The following BMX variants were observed in gnomAD, a reference collection of about 807,000 sequenced individuals.
BMX encodes BMX non-receptor tyrosine kinase.
Under a neutral mutation model 59.2 loss-of-function variants are expected in BMX, and 31 were observed. The ratio of observed to expected loss-of-function variants is 0.52; its 90% CI spans 0.39 to 0.71. The LOEUF (loss-of-function observed/expected upper bound fraction) is 0.71. Ranked by LOEUF, BMX falls within the 30% of genes least tolerant of loss-of-function variation. The probability of loss-of-function intolerance (pLI) is 0.00; values close to 1 mark genes in which losing one functional copy is unlikely to be tolerated. For missense variants in BMX, 474 were observed against 491.7 expected (o/e 0.96, Z 0.34); for synonymous variants, 185 against 181.0 (o/e 1.02, Z -0.18).
intron 4 of BMX, 147 bp from the exon 5 acceptor site, chrX:15,515,965 C>CT (rs1475291075): frequency 2.7e-6 from 2 of 728,948 alleles, no homozygotes; most frequent in African/African-American, 4.2e-5. Context: ...GAGTGAAAGA[C>CT]CTATATCCTT....
intron 6 of BMX, among the ~76,000 whole-genome samples, chrX:15,521,317 T>C (rs1181758704): frequency 8.9e-6 from 1 of 112,477 alleles, no homozygotes; most frequent in Non-Finnish European, 1.9e-5. Flanking sequence ...TGTAGTCATT[T>C]ATTGTGTGTC....
At chrX:15,523,506 A>T (rs1278147483) in intron 7 of BMX, among the ~76,000 whole-genome samples, 3 of 111,634 alleles carry the variant, frequency 2.7e-5, no homozygotes, top group African/African-American at 9.8e-5. Flanking sequence ...GTTCTTCTTG[A>T]TTTTTTTTCA....
At chrX:15,542,222 A>C in intron 15 of BMX, 24 bp downstream of exon 15, 1 of 1,194,867 alleles carries the variant, frequency 8.4e-7, no homozygotes, top group Non-Finnish European at 1.1e-6. Flanking sequence ...TTGGAATTTC[A>C]AAGAAAAGAA....
intron 9 of BMX, among the ~76,000 whole-genome samples, chrX:15,528,006 G>A (rs755726023): frequency 1.8e-5 from 2 of 112,674 alleles, no homozygotes; most frequent in South Asian, 3.7e-4. Flanking sequence ...GTACTCTTTA[G>A]CATTTAAATA....
chrX:15,549,214 G>A (rs1926081464), intron 17 of BMX, among the ~76,000 whole-genome samples: 1 of 111,225 alleles, frequency 9.0e-6, no homozygotes. Context: ...TGAACATCCT[G>A]AAACTGAACA....
intron 6 of BMX, among the ~76,000 whole-genome samples, chrX:15,518,688 G>T (rs774941082): frequency 8.1e-5 from 9 of 111,040 alleles, no homozygotes; most frequent in African/African-American, 2.6e-4. Flanking sequence ...AGGGATTTTG[G>T]GGGGGCTGAG....
intron 4 of BMX, 71 bp downstream of exon 4, chrX:15,511,589 C>A: frequency 1.2e-6 from 1 of 865,369 alleles, no homozygotes; most frequent in Non-Finnish European, 1.6e-6. Context: ...TTTTTTGAGG[C>A]TTGGTGGAGG....
At chrX:15,527,306 A>G (rs1924838844) in intron 9 of BMX, among the ~76,000 whole-genome samples, 1 of 96,771 alleles carries the variant, frequency 1.0e-5, no homozygotes, top group Non-Finnish European at 2.0e-5. Context: ...ACACACATAT[A>G]TATATACCTG....
chrX:15,532,309 G>C lies in BMX; in HGVS notation c.1019+902G>C, dbSNP rs181764292. Among the ~76,000 whole-genome samples the C allele has an allele frequency of 2.3e-3, 254 of 110,733 alleles. 1 individual carries two copies. Among genetic ancestry groups the C allele is most frequent in the African/African-American group, 7.8e-3 (235 of 30,224 alleles). On this transcript the variant is annotated intron_variant, in intron 11 of 18. Transcript: ENST00000348343. ...AGTTTTACAAGCCACTTTCTTATTG[G>C]TAGTTAGCTCTTTTTTTTTCCTTCT...
chrX:15,541,886 G>T (rs1469456402), intron 14 of BMX, 96 bp from the exon 15 acceptor site: 22 of 774,240 alleles, frequency 2.8e-5, no homozygotes, highest in Non-Finnish European at 4.3e-5. Flanking sequence ...GTGGGGGTGG[G>T]AATTAAAACA....
At chrX:15,521,442 C>G (rs1924449343) in intron 6 of BMX, among the ~76,000 whole-genome samples, 1 of 111,976 alleles carries the variant, frequency 8.9e-6, no homozygotes, top group Non-Finnish European at 1.9e-5. Context: ...TTTCTTATTA[C>G]TGTTCTAACA....
intron 18 of BMX, among the ~76,000 whole-genome samples, chrX:15,554,298 C>A (rs1469083056): frequency 8.9e-6 from 1 of 112,074 alleles, no homozygotes; most frequent in African/African-American, 3.2e-5. Flanking sequence ...AGAATTCTTG[C>A]CAATCTGATA....
Position 15,508,476 on chromosome X carries a change from T to C in BMX, c.123T>C (p.Tyr41=), listed in dbSNP as rs1338186768. Residue 41 remains tyrosine, a synonymous_variant, in exon 2 of 19, where the codon TAT becomes TAC. Transcript: ENST00000348343. ...FVLTKTNLSY[Y]EYDKMKRGSR... ...TGACCAAAACAAACCTTTCCTACTA[T>C]GAATATGACAAAATGGTGAGACATC... The C allele has an allele frequency of 8.5e-7, 1 of 1,179,959 alleles. No homozygotes were observed. Among genetic ancestry groups the C allele is most frequent in the Non-Finnish European group, 1.1e-6 (1 of 882,230 alleles).
At chrX:15,540,650 A>G (rs1030179234) in intron 14 of BMX, among the ~76,000 whole-genome samples, 1 of 111,598 alleles carries the variant, frequency 9.0e-6, no homozygotes, top group Non-Finnish European at 1.9e-5. Flanking sequence ...ACTAAAAGAC[A>G]AATGATAAAC....
intron 11 of BMX, among the ~76,000 whole-genome samples, chrX:15,531,947 C>G (rs1378818790): frequency 9.0e-6 from 1 of 111,490 alleles, no homozygotes; most frequent in Non-Finnish European, 1.9e-5. Flanking sequence ...TTGTTTGAAG[C>G]CAAACTTCTA....
intron 11 of BMX, among the ~76,000 whole-genome samples, chrX:15,533,391 T>C (rs186725892): frequency 1.2e-3 from 137 of 111,883 alleles, no homozygotes; most frequent in African/African-American, 4.3e-3. Flanking sequence ...TTTTCCTCTA[T>C]GTGTCCATGT....
intron 1 of BMX, chrX:15,507,496 A>C (rs765221188): frequency 3.3e-5 from 14 of 425,451 alleles, no homozygotes; most frequent in Non-Finnish European, 4.1e-5. Context: ...TCACAAAGCA[A>C]AGAAGAACAT....
chrX:15,530,165 G>A, intron 10 of BMX, 138 bp downstream of exon 10: 1 of 551,741 alleles, frequency 1.8e-6, no homozygotes, highest in Non-Finnish European at 2.9e-6. Context: ...CAGTCTGTGG[G>A]TTGCCCGACT....
At chrX:15,545,249 T>C (rs1173408924) in intron 16 of BMX, among the ~76,000 whole-genome samples, 1 of 110,037 alleles carries the variant, frequency 9.1e-6, no homozygotes, top group Non-Finnish European at 1.9e-5. Flanking sequence ...TGAGCAGGAG[T>C]GAGAGTTTAT....
Sources: gnomAD v4.1 joint callset for allele counts (sites outside exome capture counted in the v4.1 genomes callset) on GRCh38, gnomAD v4.1.1 for gene constraint, MANE v1.5 for transcripts, NCBI Gene and HGNC (gene_info 2026-07-23, HGNC 2026-07-21) for gene names.